Variants in NLRP2 observed in about 807,000 individuals in gnomAD.
NLRP2 encodes the protein NLR family pyrin domain containing 2, also known as NACHT, LRR and PYD domains-containing protein 2.
In NLRP2, 107 loss-of-function variants were observed where a neutral mutation model predicts 97.2. The ratio of observed to expected loss-of-function variants is 1.10; its 90% CI spans 0.94 to 1.29. NLRP2 has a LOEUF of 1.29. Among genes scored for constraint, NLRP2 ranks in the 50% most tolerant of loss-of-function variants. The pLI is 0.00. For synonymous variants in NLRP2, 663 were observed against 551.5 expected (o/e 1.20, Z -2.83); for missense variants, 1,495 against 1,330.3 (o/e 1.12, Z -1.93).
Position 54,974,533 on chromosome 19 carries a change from C to T in NLRP2, c.314C>T (p.Pro105Leu), listed in dbSNP as rs201724086. 54 of 1,605,254 alleles carry T rather than the reference C, an allele frequency of 3.4e-5. No individual in the cohort carries two copies. The highest frequency in any genetic ancestry group is 8.3e-5 in the Admixed American group (5 of 59,946). The change falls in exon 3 of 13, where the codon CCT (proline) becomes CTT (leucine). Residue 105 changes from proline to leucine, a missense_variant. Coordinates refer to ENST00000448584, the MANE Select transcript of NLRP2 (RefSeq NM_017852.5). ...TTGAAATCCTTTAATAAAAGGAAGC[C>T]TCTATCATTAGGTAAGTTACCTCAT... ...AALKSFNKRK[P>L]LSLGITRKER...
intron 3 of NLRP2, among the ~76,000 whole-genome samples, chr19:54,977,436 A>AC (rs1299179468): frequency 6.6e-6 from 1 of 151,578 alleles, no homozygotes; most frequent in African/African-American, 2.4e-5. Context: ...AAAAAGAAAA[A>AC]CTAGGCAGTT....
chr19:54,984,549 C>A (rs2071922147), intron 6 of NLRP2, among the ~76,000 whole-genome samples: 1 of 125,910 alleles, frequency 7.9e-6, no homozygotes, highest in African/African-American at 3.2e-5. Context: ...GTGGCTCGAT[C>A]TCGGCTCACT....
At chr19:54,980,021 C>T (rs8099894) in intron 4 of NLRP2, among the ~76,000 whole-genome samples, 31,633 of 151,460 alleles carry the variant, frequency 0.21, 3,968 homozygotes, top group Admixed American at 0.36. Flanking sequence ...GTGATCCGTC[C>T]GCCTCAGCCT....
Position 54,970,257 on chromosome 19 carries a change from G to A in NLRP2, c.242G>A (p.Arg81Gln), listed in dbSNP as rs138445777. Reference sequence around the variant, plus strand: ...CTCCAGGTCTTTGAAAAGATGCACCGAATGGATCTGTCTGAGAGAGCAAAG... The same window carrying A: ...CTCCAGGTCTTTGAAAAGATGCACCAAATGGATCTGTCTGAGAGAGCAAAG... Reference protein sequence around the residue: ...ASLQVFEKMHRMDLSERAKDE... With the variant: ...ASLQVFEKMHQMDLSERAKDE... Residue 81 changes from arginine to glutamine, a missense_variant, in exon 2 of 13, where the codon CGA (arginine) becomes CAA (glutamine). By Grantham distance (43) the Arg-to-Gln change is conservative. Transcript: ENST00000448584. The A allele has an allele frequency of 2.0e-5, 33 of 1,614,076 alleles. No individual in the cohort carries two copies. Among genetic ancestry groups the A allele is most frequent in the Admixed American group, 8.3e-5 (5 of 59,984 alleles).
At position 54,981,622 on chromosome 19, in the gene NLRP2, A is replaced by G. The variant is rs757568418; in HGVS notation, c.403A>G (p.Thr135Ala). ...CATGAGTTTGTATTTTGTAGCGTTT[A>G]CAGAAACGAAAGGAAATGTCATCTG... ...ERFKTEAQAF[T>A]ETKGNVICLG... The change falls in exon 5 of 13, where the codon ACA becomes GCA. Residue 135 changes from threonine to alanine, a missense_variant. By Grantham distance (58) the Thr-to-Ala change is moderately conservative. Transcript: ENST00000448584. 2.0e-5 allele frequency: 30 copies of G among 1,536,120 alleles called. No individual in the cohort carries two copies. Among genetic ancestry groups the G allele is most frequent in the Non-Finnish European group, 2.7e-5 (30 of 1,127,000 alleles).
chr19:54,981,202 C>G (rs1316237545), intron 4 of NLRP2, among the ~76,000 whole-genome samples: 1 of 152,114 alleles, frequency 6.6e-6, no homozygotes, highest in African/African-American at 2.4e-5. Flanking sequence ...TGGAGTCTTG[C>G]TCTGTTGCCC....
At chr19:54,975,106 GTTTTTTTTTTTTTTTTTTTTTTTTTTTTT>G (rs558518586) in intron 3 of NLRP2, among the ~76,000 whole-genome samples, 4 of 58,674 alleles carry the variant, frequency 6.8e-5, no homozygotes, top group Non-Finnish European at 1.4e-4. Context: ...ACCCGGTTTT[GTTTTTTTTTTTTTTTTTTTTTTTTTTTTT>G]TTTTTTTTGA....
chr19:54,997,541 G>A (rs1568543981), intron 12 of NLRP2, 54 bp downstream of exon 12: 1 of 1,580,260 alleles, frequency 6.3e-7, no homozygotes, highest in Non-Finnish European at 8.7e-7. Flanking sequence ...AGGTTTAGGG[G>A]AAGCATAATG....
intron 3 of NLRP2, among the ~76,000 whole-genome samples, chr19:54,975,810 G>T (rs2071196546): frequency 6.6e-6 from 1 of 151,946 alleles, no homozygotes; most frequent in Non-Finnish European, 1.5e-5. Flanking sequence ...GATTGCAGTG[G>T]CACAGTCATA....
In NLRP2 at chr19:54,983,029, G is replaced by A. The variant is rs755024903; in HGVS notation, c.1331G>A (p.Arg444Gln). 81 of 1,610,756 alleles carry A rather than the reference G, an allele frequency of 5.0e-5. 1 individual carries two copies. Among genetic ancestry groups the A allele is most frequent in the East Asian group, 1.6e-4 (7 of 44,810 alleles). Reference protein sequence around the residue: ...CSRFPQGAQLRGALRTLSLLA... With the variant: ...CSRFPQGAQLQGALRTLSLLA... ...CGGTTCCCGCAGGGCGCACAGCTGC[G>A]GGGCGCGCTGCGGACGCTGAGCCTC... The change falls in exon 6 of 13, where the codon CGG (arginine) becomes CAG (glutamine). Residue 444 changes from arginine (R) to glutamine (Q), a missense_variant. Coordinates refer to ENST00000448584, the MANE Select transcript of NLRP2 (RefSeq NM_017852.5).
chr19:54,997,008 A>G (rs2072864522), intron 11 of NLRP2, among the ~76,000 whole-genome samples: 1 of 152,108 alleles, frequency 6.6e-6, no homozygotes, highest in African/African-American at 2.4e-5. Flanking sequence ...CCTGGGTTCA[A>G]GCGATTCTCC....
chr19:54,997,917 C>G (rs1376615170), intron 12 of NLRP2, among the ~76,000 whole-genome samples: 1 of 151,960 alleles, frequency 6.6e-6, no homozygotes, highest in Non-Finnish European at 1.5e-5. Context: ...AACCATTGCA[C>G]CCAGCCACGG....
intron 6 of NLRP2, among the ~76,000 whole-genome samples, chr19:54,984,098 C>T (rs1457236430): frequency 1.4e-5 from 2 of 144,652 alleles, no homozygotes; most frequent in Non-Finnish European, 3.2e-5. Context: ...AGGTGATCCA[C>T]CTGCCTCAGC....
chr19:54,973,389 T>G (rs1278129089), intron 2 of NLRP2, among the ~76,000 whole-genome samples: 1 of 147,342 alleles, frequency 6.8e-6, no homozygotes, highest in African/African-American at 2.5e-5. Flanking sequence ...TTGGTTTTGC[T>G]TTTGAGTCGA....
intron 3 of NLRP2, among the ~76,000 whole-genome samples, chr19:54,975,218 T>C (rs940668699): frequency 2.9e-5 from 4 of 140,174 alleles, no homozygotes; most frequent in African/African-American, 1.1e-4. Flanking sequence ...CCTCCCAAGC[T>C]CTGGTGATCC....
In NLRP2 at chr19:55,000,573, C is replaced by T. The variant is rs745774837; in HGVS notation, c.3051-187C>T. ...GAATTACAGGCGTGAGCCATCACGC[C>T]CCACCTGAGACTGTCTTTTAAAAAA... On this transcript the variant is annotated intron_variant, in intron 12 of 12. Transcript: ENST00000448584. Among the ~76,000 whole-genome samples the T allele has an allele frequency of 2.0e-5, 3 of 149,906 alleles. No individual in the cohort carries two copies. In the South Asian group the frequency reaches 6.4e-4, roughly 32 times the overall value.
intron 10 of NLRP2, among the ~76,000 whole-genome samples, chr19:54,992,722 C>T (rs1403382918): frequency 6.6e-6 from 1 of 151,706 alleles, no homozygotes; most frequent in Non-Finnish European, 1.5e-5. Flanking sequence ...CCACGCCCAG[C>T]TAACTTCTTT....
At chr19:54,987,128 A>ACCCCCCCCCCCCCCCCCCC (rs763390795) in intron 8 of NLRP2, among the ~76,000 whole-genome samples, 2 of 138,656 alleles carry the variant, frequency 1.4e-5, no homozygotes, top group Non-Finnish European at 3.1e-5. Context: ...CAGGTGATCT[A>ACCCCCCCCCCCCCCCCCCC]CCCCCCCACC....
At chr19:54,980,018 G>A (rs1378183045) in intron 4 of NLRP2, among the ~76,000 whole-genome samples, 7 of 149,716 alleles carry the variant, frequency 4.7e-5, no homozygotes, top group Admixed American at 1.3e-4. Flanking sequence ...CTCGTGATCC[G>A]TCCGCCTCAG....
Sources: gnomAD v4.1 joint callset for allele counts (sites outside exome capture counted in the v4.1 genomes callset) on GRCh38, gnomAD v4.1.1 for gene constraint, MANE v1.5 for transcripts, NCBI Gene and HGNC (gene_info 2026-07-23, HGNC 2026-07-21) for gene names.